RBPJ: variants seen among roughly 807,000 people sequenced by gnomAD.
RBPJ encodes the protein recombination signal binding protein for immunoglobulin kappa J region, also known as recombining binding protein suppressor of hairless.
A neutral mutation model predicts 67.8 loss-of-function variants in RBPJ; 9 were observed. That is an observed-to-expected ratio of 0.13 (90% CI 0.08 to 0.23). The LOEUF is 0.23. Ranked by LOEUF, RBPJ falls within the 10% of genes least tolerant of loss-of-function variation. RBPJ has a pLI of 1.00. For missense variants in RBPJ, 305 were observed against 595.6 expected, an observed-to-expected ratio of 0.51 and a Z score of 5.08; for synonymous variants, 198 against 203.3, an observed-to-expected ratio of 0.97 and a Z score of 0.22.
chr4:26,226,146 CA>C (rs35440890), intron 1 of RBPJ, among the ~76,000 whole-genome samples: 12,361 of 79,966 alleles, frequency 0.15, 768 homozygotes, highest in African/African-American at 0.28. Flanking sequence ...GAGACTCTGT[CA>C]AAAAAAAAAA....
At chr4:26,419,061 CT>C (rs1447929922) in intron 4 of RBPJ, among the ~76,000 whole-genome samples, 1 of 152,212 alleles carries the variant, frequency 6.6e-6, no homozygotes, top group East Asian at 1.9e-4. Context: ...CCATTACAAC[CT>C]CTGCCTCCTG....
upstream of RBPJ, among the ~76,000 whole-genome samples, chr4:26,316,246 C>CATAT (rs201168345): frequency 1.7e-4 from 24 of 144,506 alleles, no homozygotes; most frequent in East Asian, 1.8e-3. Context: ...CTTCCCGCAA[C>CATAT]ATATATATAT....
intron 1 of RBPJ, among the ~76,000 whole-genome samples, chr4:26,304,330 C>T (rs555657987): frequency 2.4e-4 from 36 of 152,232 alleles, no homozygotes; most frequent in Admixed American, 1.3e-4. Context: ...TCTGTATGGA[C>T]GTGTTTTCGG....
intron 1 of RBPJ, among the ~76,000 whole-genome samples, chr4:26,239,283 C>T (rs907854912): frequency 1.3e-5 from 2 of 152,158 alleles, no homozygotes; most frequent in Non-Finnish European, 2.9e-5. Context: ...AGTCTGTATC[C>T]GCTGCCTGGA....
chr4:26,229,040 A>G (rs1206363232), intron 1 of RBPJ, among the ~76,000 whole-genome samples: 2 of 152,200 alleles, frequency 1.3e-5, no homozygotes, highest in Middle Eastern at 3.2e-3. Flanking sequence ...TGTTTTTCTA[A>G]AAAGTACCCA....
intron 1 of RBPJ, among the ~76,000 whole-genome samples, chr4:26,267,644 G>A (rs1006111978): frequency 1.3e-5 from 2 of 151,838 alleles, no homozygotes; most frequent in Non-Finnish European, 1.5e-5. Context: ...TGGAGTCTCT[G>A]TCACCCAGGC....
intron 8 of RBPJ, among the ~76,000 whole-genome samples, chr4:26,429,215 T>C (rs1735973871): frequency 6.6e-6 from 1 of 152,238 alleles, no homozygotes. Flanking sequence ...AGCATTTTTC[T>C]GGGTGAAGGC....
chr4:26,145,354 G>A, the RBPJ span, among the ~76,000 whole-genome samples: 145,525 of 152,206 alleles, frequency 0.96, 69,881 homozygotes, highest in East Asian at 1. Flanking sequence ...ACAAACAGGT[G>A]GGAGTGATCT....
chr4:26,326,150 G>C (rs1162493644), intron 1 of RBPJ, among the ~76,000 whole-genome samples: 3 of 152,078 alleles, frequency 2.0e-5, no homozygotes, highest in Non-Finnish European at 4.4e-5. Context: ...GTGTGTGCTT[G>C]TGTGTATACA....
At chr4:26,385,082 G>A (rs560646631) in intron 1 of RBPJ, among the ~76,000 whole-genome samples, 37 of 145,274 alleles carry the variant, frequency 2.5e-4, no homozygotes, top group African/African-American at 8.8e-4. Context: ...GTGCAGTGGC[G>A]TGATCTTGGC....
chr4:26,154,533 A>G, the RBPJ span, among the ~76,000 whole-genome samples: 1 of 152,180 alleles, frequency 6.6e-6, no homozygotes, highest in Non-Finnish European at 1.5e-5. Flanking sequence ...TGGAAGTGCT[A>G]TCTGATCTTA....
At chr4:26,207,070 T>G (rs773816831) in intron 1 of RBPJ, among the ~76,000 whole-genome samples, 20 of 152,120 alleles carry the variant, frequency 1.3e-4, no homozygotes, top group Non-Finnish European at 2.2e-4. Flanking sequence ...TTCCCACCTC[T>G]CCTTTTAGTA....
chr4:26,224,933 T>TA (rs1286057313), intron 1 of RBPJ, among the ~76,000 whole-genome samples: 2 of 152,126 alleles, frequency 1.3e-5, no homozygotes, highest in African/African-American at 4.8e-5. Context: ...AAGAGAGCTC[T>TA]AAAAATGTTA....
intron 1 of RBPJ, among the ~76,000 whole-genome samples, chr4:26,339,888 G>C (rs540913290): frequency 6.6e-6 from 1 of 151,992 alleles, no homozygotes; most frequent in Non-Finnish European, 1.5e-5. Context: ...GCATGATGGC[G>C]GTTGCCTGTA....
At chr4:26,152,273 G>T in the RBPJ span, among the ~76,000 whole-genome samples, 67,501 of 152,148 alleles carry the variant, frequency 0.44, 15,257 homozygotes, top group Non-Finnish European at 0.5. Flanking sequence ...CTTCCAGCAC[G>T]TGGTTTGCCA....
At chr4:26,124,643 G>C in the RBPJ span, among the ~76,000 whole-genome samples, 1 of 151,362 alleles carries the variant, frequency 6.6e-6, no homozygotes, top group African/African-American at 2.4e-5. Flanking sequence ...TCTACTTCTA[G>C]TTCTTTAAGG....
At chr4:26,323,952 T>G (rs1723351826) in intron 1 of RBPJ, among the ~76,000 whole-genome samples, 1 of 152,246 alleles carries the variant, frequency 6.6e-6, no homozygotes, top group Non-Finnish European at 1.5e-5. Flanking sequence ...AAATTTCATG[T>G]TATCTCAACT....
intron 1 of RBPJ, among the ~76,000 whole-genome samples, chr4:26,186,427 T>C (rs1318553531): frequency 6.6e-6 from 1 of 152,162 alleles, no homozygotes. Flanking sequence ...CATGGGTATT[T>C]GGTAGATACA....
chr4:26,415,085 T>C (rs900787979), intron 3 of RBPJ, among the ~76,000 whole-genome samples: 2 of 152,216 alleles, frequency 1.3e-5, no homozygotes, highest in African/African-American at 4.8e-5. Flanking sequence ...GATTGTGTCA[T>C]TTTGAATAGG....
Sources: gnomAD v4.1 joint callset for allele counts (sites outside exome capture counted in the v4.1 genomes callset) on GRCh38, gnomAD v4.1.1 for gene constraint, MANE v1.5 for transcripts, NCBI Gene and HGNC (gene_info 2026-07-23, HGNC 2026-07-21) for gene names.